Variants in LRRC4C observed in about 807,000 individuals in gnomAD.
The protein encoded by LRRC4C is leucine rich repeat containing 4C.
In LRRC4C, 5 loss-of-function variants were observed where a neutral mutation model predicts 33.6. The observed-to-expected ratio is 0.15, with a 90% CI of 0.08 to 0.31. The LOEUF (loss-of-function observed/expected upper bound fraction) is 0.31. Ranked by LOEUF, LRRC4C falls within the 10% of genes least tolerant of loss-of-function variation. The pLI, the probability that LRRC4C is intolerant of heterozygous loss-of-function variation, is 1.00. For synonymous variants in LRRC4C, 329 were observed against 302.0 expected (o/e 1.09, Z -0.93); for missense variants, 560 against 796.7 (o/e 0.70, Z 3.58).
chr11:40,757,388 T>C (rs1949006561), intron 2 of LRRC4C, among the ~76,000 whole-genome samples: 1 of 152,070 alleles, frequency 6.6e-6, no homozygotes, highest in African/African-American at 2.4e-5. Context: ...TCAGTACCCA[T>C]GGATGAATAT....
At chr11:40,784,869 G>A (rs1950346210) in intron 2 of LRRC4C, among the ~76,000 whole-genome samples, 1 of 151,444 alleles carries the variant, frequency 6.6e-6, no homozygotes. Flanking sequence ...AAAGAAGAAA[G>A]CAAAGATAAG....
At chr11:40,356,399 G>C (rs1947672609) in intron 3 of LRRC4C, among the ~76,000 whole-genome samples, 2 of 152,268 alleles carry the variant, frequency 1.3e-5, no homozygotes, top group South Asian at 2.1e-4. Context: ...GTTTAAAAAA[G>C]ATACTTATAT....
chr11:40,804,158 T>A (rs575356161), intron 2 of LRRC4C, among the ~76,000 whole-genome samples: 1 of 152,288 alleles, frequency 6.6e-6, no homozygotes, highest in Non-Finnish European at 1.5e-5. Flanking sequence ...TTACTAAAAA[T>A]ACCAATCTTC....
At chr11:40,534,927 C>A (rs1197757306) in intron 3 of LRRC4C, among the ~76,000 whole-genome samples, 1 of 152,118 alleles carries the variant, frequency 6.6e-6, no homozygotes, top group Non-Finnish European at 1.5e-5. Context: ...GATCTCAGAG[C>A]AAACAGTATC....
At chr11:40,890,967 G>C (rs1040817221) in intron 2 of LRRC4C, among the ~76,000 whole-genome samples, 1 of 152,084 alleles carries the variant, frequency 6.6e-6, no homozygotes, top group African/African-American at 2.4e-5. Context: ...ACTAGGTTGG[G>C]CATGGTGGCT....
chr11:41,085,979 T>C (rs935245881), intron 1 of LRRC4C, among the ~76,000 whole-genome samples: 9 of 149,314 alleles, frequency 6.0e-5, no homozygotes, highest in African/African-American at 2.0e-4. Flanking sequence ...ACTGAATCCT[T>C]CCACCCATTT....
Position 40,524,241 on chromosome 11 carries a change from C to T in LRRC4C, c.-270+123901G>A, listed in dbSNP as rs1417825116. Among the ~76,000 whole-genome samples, 9 of 152,224 alleles carry T rather than the reference C, an allele frequency of 5.9e-5. 1 individual carries two copies. In the South Asian group the frequency reaches 1.2e-3, roughly 21 times the overall value. ...TGTCACATGCTTTGAGGGGATTAAG[C>T]AAATCATTTCTGTCATTTCAAATGT... On this transcript the variant is annotated intron_variant, in intron 3 of 6. Coordinates refer to ENST00000528697, the MANE Select transcript of LRRC4C (RefSeq NM_001258419.2).
chr11:41,391,192 C>T (rs1399769013), intron 1 of LRRC4C, among the ~76,000 whole-genome samples: 1 of 151,670 alleles, frequency 6.6e-6, no homozygotes, highest in Non-Finnish European at 1.5e-5. Context: ...TTCTCTCTGC[C>T]CTGCCTTCTT....
At chr11:41,418,751 C>T (rs1320098639) in intron 1 of LRRC4C, among the ~76,000 whole-genome samples, 1 of 151,896 alleles carries the variant, frequency 6.6e-6, no homozygotes, top group African/African-American at 2.4e-5. Flanking sequence ...TTCTAAAGCT[C>T]AGTTTGCTCA....
intron 3 of LRRC4C, among the ~76,000 whole-genome samples, chr11:40,602,214 A>G (rs2135815388): frequency 6.6e-6 from 1 of 151,290 alleles, no homozygotes; most frequent in East Asian, 1.9e-4. Context: ...AAAAAAAGAA[A>G]AAAAAAGAGG....
At chr11:40,924,043 G>A (rs936905070) in intron 2 of LRRC4C, among the ~76,000 whole-genome samples, 7 of 151,562 alleles carry the variant, frequency 4.6e-5, no homozygotes, top group Non-Finnish European at 1.0e-4. Context: ...CGAATTCAGG[G>A]ACTTGTAGAG....
intron 1 of LRRC4C, among the ~76,000 whole-genome samples, chr11:41,246,179 G>T (rs1030257895): frequency 2.0e-5 from 3 of 152,080 alleles, no homozygotes; most frequent in African/African-American, 7.2e-5. Flanking sequence ...CAGAGGGGGT[G>T]CCTGCAGTCC....
At chr11:40,158,550 A>G (rs1327964059) in intron 5 of LRRC4C, among the ~76,000 whole-genome samples, 1 of 150,260 alleles carries the variant, frequency 6.7e-6, no homozygotes, top group Non-Finnish European at 1.5e-5. Context: ...ATTTTAAAAT[A>G]GCATTATTAG....
intron 1 of LRRC4C, among the ~76,000 whole-genome samples, chr11:41,094,367 T>A (rs1009923035): frequency 1.3e-5 from 2 of 150,084 alleles, no homozygotes; most frequent in East Asian, 4.0e-4. Flanking sequence ...CTACTAAAAA[T>A]ACAAAAAATT....
At chr11:40,928,064 G>A (rs117225048) in intron 2 of LRRC4C, among the ~76,000 whole-genome samples, 3,586 of 151,804 alleles carry the variant, frequency 0.024, 68 homozygotes, top group Middle Eastern at 0.051. Flanking sequence ...CAAATATATT[G>A]TTTTTTAAAA....
intron 1 of LRRC4C, among the ~76,000 whole-genome samples, chr11:41,269,067 T>C (rs1047119693): frequency 5.3e-5 from 8 of 152,090 alleles, no homozygotes; most frequent in Non-Finnish European, 1.0e-4. Context: ...ACTAATAGCA[T>C]TGGGTAACTG....
intron 3 of LRRC4C, among the ~76,000 whole-genome samples, chr11:40,513,810 A>T (rs1000175315): frequency 2.6e-5 from 4 of 152,186 alleles, no homozygotes; most frequent in Admixed American, 2.6e-4. Context: ...TTTTCTAATC[A>T]GTTTTTTGGC....
At chr11:40,428,163 T>G (rs575521101) in intron 3 of LRRC4C, among the ~76,000 whole-genome samples, 92 of 152,310 alleles carry the variant, frequency 6.0e-4, no homozygotes, top group African/African-American at 1.5e-3. Flanking sequence ...TAAATTTTTT[T>G]TTTGTTTGTT....
At chr11:41,303,551 G>T (rs1343926571) in intron 1 of LRRC4C, among the ~76,000 whole-genome samples, 1 of 84,520 alleles carries the variant, frequency 1.2e-5, no homozygotes, top group East Asian at 3.4e-4. Flanking sequence ...GCCGCCCATC[G>T]TCTGGGATGT....
Sources: gnomAD v4.1 joint callset for allele counts (sites outside exome capture counted in the v4.1 genomes callset) on GRCh38, gnomAD v4.1.1 for gene constraint, MANE v1.5 for transcripts, NCBI Gene and HGNC (gene_info 2026-07-23, HGNC 2026-07-21) for gene names.